GFY: variants seen among roughly 807,000 people sequenced by gnomAD.
GFY encodes the protein Golgi-associated olfactory signaling regulator.
Under a neutral mutation model 29.1 loss-of-function variants are expected in GFY, and 28 were observed. The ratio of observed to expected loss-of-function variants is 0.96; its 90% CI spans 0.71 to 1.32. The LOEUF is 1.32. Ranked by LOEUF, GFY falls within the 40% of genes most tolerant of loss-of-function variation. The pLI is 0.00. For synonymous variants in GFY, 277 were observed against 274.5 expected, an observed-to-expected ratio of 1.01 and a Z score of -0.09; for missense variants, 656 against 661.9, an observed-to-expected ratio of 0.99 and a Z score of 0.10.
chr19:49,428,607 T>C lies in GFY; in HGVS notation c.1358-12T>C. 6.8e-7 allele frequency: 1 copy of C among 1,461,316 alleles called. No homozygotes were observed. Among genetic ancestry groups the C allele is most frequent in the Admixed American group, 2.4e-5 (1 of 42,364 alleles). The allele number at this position is 1,461,316 out of a possible 1,614,324, so 90.5% of individuals were successfully genotyped here. A position where few individuals can be genotyped will look rare whatever the true frequency, so the allele number is the denominator to read the frequency against. On this transcript the variant is annotated splice_polypyrimidine_tract_variant and intron_variant, in intron 3 of 3. Transcript: ENST00000610896. ...TCAGCCCAGAGATGACCACGCCCCT[T>C]TGCACCCACAGTTCTGCATTTGGAC...
chr19:49,428,199 G>GCACAGGT, intron 3 of GFY, 80 bp downstream of exon 3: 1 of 1,461,218 alleles, frequency 6.8e-7, no homozygotes, highest in South Asian at 1.3e-5. Context: ...AGCCAAAAAA[G>GCACAGGT]CACAGGTCCC....
At chr19:49,426,304 G>T in intron 1 of GFY, 106 bp from the exon 2 acceptor site, 2 of 1,431,002 alleles carry the variant, frequency 1.4e-6, no homozygotes, top group Non-Finnish European at 1.8e-6. Flanking sequence ...GCTGGGCCCC[G>T]GACAGACGTG....
Position 49,426,466 on chromosome 19 carries a change from C to T in GFY, c.36C>T (p.Phe12=), listed in dbSNP as rs1461199272. The change falls in exon 2 of 4, where the codon TTC becomes TTT. Residue 12 remains phenylalanine, a synonymous_variant. Transcript: ENST00000610896. ...KSFSRILFLV[F]LLAGLRSKAA... is the part of the protein sequence containing the mutation. Reference sequence around the variant, plus strand: ...TCAGCCGGATCCTCTTCCTCGTCTTCCTCCTCGCCGGCCTGAGGTCCAAGG... The same window carrying T: ...TCAGCCGGATCCTCTTCCTCGTCTTTCTCCTCGCCGGCCTGAGGTCCAAGG... The T allele has an allele frequency of 5.9e-6, 9 of 1,535,788 alleles. No individual in the cohort carries two copies. Among genetic ancestry groups the T allele is most frequent in the African/African-American group, 1.4e-5 (1 of 73,044 alleles).
intron 2 of GFY, 124 bp from the exon 3 acceptor site, chr19:49,427,822 T>C: frequency 7.8e-7 from 1 of 1,276,870 alleles, no homozygotes; most frequent in East Asian, 2.6e-5. Context: ...GACTCCTGGG[T>C]CTGAGGGAGA....
chr19:49,428,504 G>C (rs2078943626), intron 3 of GFY, 115 bp from the exon 4 acceptor site: 3 of 773,812 alleles, frequency 3.9e-6, no homozygotes, highest in East Asian at 3.0e-5. Context: ...TGCAGAATCG[G>C]AATCCTCTCT....
chr19:49,426,183 C>T (rs1975069515), intron 1 of GFY, among the ~76,000 whole-genome samples: 1 of 152,208 alleles, frequency 6.6e-6, no homozygotes, highest in African/African-American at 2.4e-5. Flanking sequence ...AGGAAATTAA[C>T]TACGACTCCC....
chr19:49,426,285 T>A, intron 1 of GFY, 125 bp from the exon 2 acceptor site: 1 of 1,409,578 alleles, frequency 7.1e-7, no homozygotes, highest in Non-Finnish European at 9.3e-7. Context: ...TTCCCATCCC[T>A]GGCGCCAAGC....
Position 49,426,946 on chromosome 19 carries a change from C to G in GFY, c.516C>G (p.Asp172Glu). Residue 172 changes from aspartate to glutamate, a missense_variant, in exon 2 of 4, where the codon GAC becomes GAG. By Grantham distance (45) the Asp-to-Glu change is conservative. Coordinates refer to ENST00000610896, the MANE Select transcript of GFY (RefSeq NM_001195256.2). ...RPEFPETPNTDLMQTTPQESP... is the reference protein window; with the variant it reads ...RPEFPETPNTELMQTTPQESP... Reference sequence around the variant, plus strand: ...AATTTCCTGAGACCCCAAACACTGACCTTATGCAAACTACACCCCAAGAAT... The same window carrying G: ...AATTTCCTGAGACCCCAAACACTGAGCTTATGCAAACTACACCCCAAGAAT... The G allele has an allele frequency of 6.5e-7, 1 of 1,535,902 alleles. No homozygotes were observed. Among genetic ancestry groups the G allele is most frequent in the South Asian group, 1.2e-5 (1 of 84,034 alleles).
Position 49,428,820 on chromosome 19 carries a change from C to A in GFY, c.*2C>A. On this transcript the variant is annotated 3_prime_UTR_variant, in exon 4 of 4. Coordinates refer to ENST00000610896, the MANE Select transcript of GFY (RefSeq NM_001195256.2). ...ACGCTCCCCAACAACTTCGTGTGAG[C>A]CCCACCGAGTTCTGCCGGACCTGCA... The A allele has an allele frequency of 7.0e-7, 1 of 1,433,212 alleles. No individual in the cohort carries two copies. The highest frequency in any genetic ancestry group is 1.4e-5 in the South Asian group (1 of 69,448). The allele number at this position is 1,433,212 out of a possible 1,614,324, so 88.8% of individuals were successfully genotyped here.
upstream of GFY, chr19:49,424,007 A>C (rs1195965860): frequency 6.6e-6 from 1 of 152,094 alleles, no homozygotes; most frequent in Non-Finnish European, 1.5e-5. Flanking sequence ...AGAAAGATCG[A>C]GGGTGAGGTA....
In GFY at chr19:49,428,029, A is replaced by G. The variant is rs1461173303; in HGVS notation, c.1267A>G (p.Ile423Val). The G allele has an allele frequency of 2.6e-6, 4 of 1,535,836 alleles. No homozygotes were observed. Among genetic ancestry groups the G allele is most frequent in the East Asian group, 4.9e-5 (2 of 40,924 alleles). Residue 423 changes from isoleucine (I) to valine (V), a missense_variant, in exon 3 of 4, where the codon ATC (isoleucine) becomes GTC (valine). Transcript: ENST00000610896. ...FFAGTALLIG[I>V]FVLLWCLYRR... The stretch of plus-strand genomic sequence containing the variant: ...CGCGGGGACCGCGCTGCTGATCGGC[A>G]TCTTTGTGCTGCTGTGGTGTCTTTA...
Position 49,426,657 on chromosome 19 carries a change from T to C in GFY, c.227T>C (p.Val76Ala). 1 of 1,532,120 alleles carries C rather than the reference T, an allele frequency of 6.5e-7. No homozygotes were observed. Among genetic ancestry groups the C allele is most frequent in the Non-Finnish European group, 8.7e-7 (1 of 1,145,572 alleles). 94.9% of individuals were successfully genotyped at this position (1,532,120 alleles called of 1,614,324 possible). ...YPEPSKLPHTVSLETFPLDFT... is the reference protein window; with the variant it reads ...YPEPSKLPHTASLETFPLDFT... The stretch of plus-strand genomic sequence containing the variant: ...GAGCCTTCCAAGCTACCTCATACGG[T>C]TTCCCTGGAAACCTTCCCACTTGAC... Residue 76 changes from valine (V) to alanine (A), a missense_variant, in exon 2 of 4, where the codon GTT becomes GCT. Transcript: ENST00000610896.
Position 49,427,104 on chromosome 19 carries a change from CA to C in GFY, c.677del (p.Asn226ThrfsTer22). The C allele has an allele frequency of 6.5e-7, 1 of 1,535,834 alleles. No homozygotes were observed. The highest frequency in any genetic ancestry group is 8.7e-7 in the Non-Finnish European group (1 of 1,146,846). On this transcript the variant is annotated frameshift_variant, in exon 2 of 4. Transcript: ENST00000610896. LOFTEE classifies it high-confidence loss of function. Reference protein sequence around the residue: ...EKHDLNSTETPNSEFLQALHP... With the variant: ...EKHDLNSTETXNSEFLQALHP... ...CATGACCTCAACTCCACTGAGACCC[CA>C]AACTCTGAATTTCTCCAAGCTCTCC...
chr19:49,426,142 A>G (rs775179234), intron 1 of GFY, among the ~76,000 whole-genome samples: 2 of 151,982 alleles, frequency 1.3e-5, no homozygotes, highest in African/African-American at 4.8e-5. Context: ...TTCTTTCCCA[A>G]TTTTTCTAGG....
intron 1 of GFY, among the ~76,000 whole-genome samples, chr19:49,425,901 G>A (rs893621142): frequency 1.3e-5 from 2 of 152,046 alleles, no homozygotes. Context: ...CCTGCAAGAC[G>A]CAGGAGTCTG....
rs1240548131 is a variant in GFY, at chr19:49,427,031, T to C, written c.601T>C (p.Ser201Pro). Residue 201 changes from serine to proline, a missense_variant, in exon 2 of 4, where the codon TCA (serine) becomes CCA (proline). By Grantham distance (74) the Ser-to-Pro change is moderately conservative. Coordinates refer to ENST00000610896, the MANE Select transcript of GFY (RefSeq NM_001195256.2). ...CTCACAGGCAGAACTCCCCGAGACC[T>C]CAAACACTAACCCTACCAAGACCCC... Reference protein sequence around the residue: ...EVSQAELPETSNTNPTKTPDP... With the variant: ...EVSQAELPETPNTNPTKTPDP... The C allele has an allele frequency of 3.9e-6, 6 of 1,534,678 alleles. No individual in the cohort carries two copies. Among genetic ancestry groups the C allele is most frequent in the Middle Eastern group, 1.7e-4 (1 of 5,984 alleles).
At chr19:49,427,635 C>G in intron 2 of GFY, 22 bp downstream of exon 2, 1 of 1,261,210 alleles carries the variant, frequency 7.9e-7, no homozygotes, top group South Asian at 1.8e-5. Context: ...GAGCCGGACT[C>G]CTGAGTCTGA....
At position 49,428,015 on chromosome 19, in the gene GFY, C is replaced by T. The variant is rs1421988655; in HGVS notation, c.1253C>T (p.Ala418Val). Residue 418 changes from alanine (A) to valine (V), a missense_variant, in exon 3 of 4, where the codon GCG becomes GTG. Ala to Val is a moderately conservative substitution (Grantham distance 64). Transcript: ENST00000610896. ...CTCTGCCTGTTCTTCGCGGGGACCG[C>T]GCTGCTGATCGGCATCTTTGTGCTG... is the stretch of plus-strand genomic sequence containing the variant. ...GALCLFFAGT[A>V]LLIGIFVLLW... is the part of the protein sequence containing the mutation. 3.9e-6 allele frequency: 6 copies of T among 1,535,984 alleles called. No homozygotes were observed. The highest frequency in any genetic ancestry group is 5.2e-6 in the Non-Finnish European group (6 of 1,146,750).
At chr19:49,428,173 G>A in intron 3 of GFY, 54 bp downstream of exon 3, 1 of 1,495,418 alleles carries the variant, frequency 6.7e-7, no homozygotes, top group Non-Finnish European at 8.9e-7. Context: ...GGTCTCTCCC[G>A]GCACTACAGG....
Sources: gnomAD v4.1 joint callset for allele counts (sites outside exome capture counted in the v4.1 genomes callset) on GRCh38, gnomAD v4.1.1 for gene constraint, MANE v1.5 for transcripts, NCBI Gene and HGNC (gene_info 2026-07-23, HGNC 2026-07-21) for gene names.